Variants in KLHL29 observed in about 807,000 individuals in gnomAD.
KLHL29 encodes the protein kelch like family member 29, also known as kelch-like protein 29.
KLHL29 carries 21 observed loss-of-function variants against 80.4 expected under a neutral mutation model. That is an observed-to-expected ratio of 0.26 (90% CI 0.19 to 0.38). The LOEUF is 0.38. KLHL29 is among the 10% of genes least tolerant of loss of function. The probability of loss-of-function intolerance (pLI) is 1.00; values close to 1 mark genes in which losing one functional copy is unlikely to be tolerated. For missense variants in KLHL29, 867 were observed against 1,223.9 expected, an observed-to-expected ratio of 0.71 and a Z score of 4.35; for synonymous variants, 511 against 526.8, an observed-to-expected ratio of 0.97 and a Z score of 0.41.
chr2:23,633,755 T>TGTGTGTGTGTGTGTG (rs1558416938), intron 3 of KLHL29, among the ~76,000 whole-genome samples: 1 of 27,854 alleles, frequency 3.6e-5, no homozygotes, highest in Non-Finnish European at 5.8e-5. Context: ...GTCACAGCAC[T>TGTGTGTGTGTGTGTG]CGTGTGTGTG....
rs1558402682 is a variant in KLHL29 at position 23,597,309 on chromosome 2, A to ATATGTG, written c.285+34829_285+34830insATGTGT. On this transcript the variant is annotated intron_variant, in intron 3 of 13. Transcript: ENST00000486442. ...CTCTCTCTCTCTCATATATATATAT[A>ATATGTG]TGTGTGTGTGTGTGTGTGTGTGTGT... Among the ~76,000 whole-genome samples, 180 of 100,512 alleles carry ATATGTG rather than the reference A, an allele frequency of 1.8e-3. 3 individuals are homozygous for ATATGTG. The highest frequency in any genetic ancestry group is 4.5e-3 in the South Asian group (12 of 2,646). 65.9% of individuals were successfully genotyped at this position (100,512 alleles called of 152,430 possible). A position where few individuals can be genotyped will look rare whatever the true frequency, so the allele number is the denominator to read the frequency against.
chr2:23,503,769 A>G lies in KLHL29; in HGVS notation c.-46+28102A>G, dbSNP rs924975623. ...CAGCTGCCAGCGAAGGAGGAAGGAA[A>G]CACAGACAGGAGGTCTCAGAGCACA... is the stretch of plus-strand genomic sequence containing the variant. On this transcript the variant is annotated intron_variant, in intron 2 of 13. Coordinates refer to ENST00000486442, the MANE Select transcript of KLHL29 (RefSeq NM_052920.2). This position sits in a 1 kb window ranked among gnomAD's most constrained non-coding sequence, Gnocchi z 4.0. Among the ~76,000 whole-genome samples, 1 of 152,252 alleles carries G rather than the reference A, an allele frequency of 6.6e-6. No homozygotes were observed. Among genetic ancestry groups the G allele is most frequent in the Non-Finnish European group, 1.5e-5 (1 of 68,044 alleles).
chr2:23,495,842 A>G (rs1449621372), intron 2 of KLHL29, among the ~76,000 whole-genome samples: 2 of 152,262 alleles, frequency 1.3e-5, no homozygotes, highest in Non-Finnish European at 1.5e-5. Flanking sequence ...CCTCCTTGGC[A>G]GGCAGGACCT....
intron 5 of KLHL29, among the ~76,000 whole-genome samples, chr2:23,651,400 A>T (rs1670083621): frequency 6.6e-6 from 1 of 151,958 alleles, no homozygotes; most frequent in Non-Finnish European, 1.5e-5. Context: ...CCCTCTTGCA[A>T]ATGACCTCTC....
chr2:23,445,257 T>G (rs1458298902), intron 1 of KLHL29, among the ~76,000 whole-genome samples: 1 of 152,250 alleles, frequency 6.6e-6, no homozygotes, highest in African/African-American at 2.4e-5. Context: ...TTCTCCTATA[T>G]AGATAACCAT....
At chr2:23,567,399 C>T (rs940296553) in intron 3 of KLHL29, among the ~76,000 whole-genome samples, 2 of 152,186 alleles carry the variant, frequency 1.3e-5, no homozygotes, top group East Asian at 1.9e-4. Flanking sequence ...GGAAGCAGAG[C>T]GACTTCGCCT....
chr2:23,642,502 C>T lies in KLHL29; in HGVS notation c.592C>T (p.Pro198Ser). Reference protein sequence around the residue: ...SLPPHVGPQLPLMPGHYSLPQ... With the variant: ...SLPPHVGPQLSLMPGHYSLPQ... ...GCCTCCCCACGTGGGGCCCCAGCTC[C>T]CGCTGATGCCAGGCCACTACTCGCT... The change falls in exon 5 of 14, where the codon CCG becomes TCG. Residue 198 changes from proline to serine, a missense_variant. Transcript: ENST00000486442. 1.3e-6 allele frequency: 2 copies of T among 1,521,438 alleles called. No individual in the cohort carries two copies. The highest frequency in any genetic ancestry group is 1.8e-6 in the Non-Finnish European group (2 of 1,127,430). 94.2% of individuals were successfully genotyped at this position (1,521,438 alleles called of 1,614,324 possible).
Position 23,706,813 on chromosome 2 carries a change from G to C in KLHL29, c.*149G>C, listed in dbSNP as rs1028481898. 1 of 574,478 alleles carries C rather than the reference G, an allele frequency of 1.7e-6. No individual in the cohort carries two copies. The highest frequency in any genetic ancestry group is 2.9e-6 in the Non-Finnish European group (1 of 347,424). The allele number at this position is 574,478 out of a possible 1,614,324, so 35.6% of individuals were successfully genotyped here. Reference sequence around the variant, plus strand: ...CAACATGTTGAATATTCTCTACATTGAATGTAGAAAATCATCCTCGCCTTT... The same window carrying C: ...CAACATGTTGAATATTCTCTACATTCAATGTAGAAAATCATCCTCGCCTTT... On this transcript the variant is annotated 3_prime_UTR_variant, in exon 14 of 14. Transcript: ENST00000486442.
chr2:23,457,157 G>A lies in KLHL29; in HGVS notation c.-153-18403G>A, dbSNP rs902207400. Among the ~76,000 whole-genome samples, 1 of 152,230 alleles carries A rather than the reference G, an allele frequency of 6.6e-6. No individual in the cohort carries two copies. Among genetic ancestry groups the A allele is most frequent in the Non-Finnish European group, 1.5e-5 (1 of 68,046 alleles). On this transcript the variant is annotated intron_variant, in intron 1 of 13. Transcript: ENST00000486442. This position sits in a 1 kb window ranked among gnomAD's most constrained non-coding sequence, Gnocchi z 4.3. ...GAGGCATCTGGTGACAGGAACAGGAGGAGGTTAAAGCAATCCGTGCCCTGA... is the reference window on the plus strand; with the variant it reads ...GAGGCATCTGGTGACAGGAACAGGAAGAGGTTAAAGCAATCCGTGCCCTGA...
At chr2:23,438,931 A>G (rs1431142543) in intron 1 of KLHL29, among the ~76,000 whole-genome samples, 1 of 145,700 alleles carries the variant, frequency 6.9e-6, no homozygotes. Flanking sequence ...CTGTGAATCC[A>G]TCGGGTCCTG....
At chr2:23,589,689 C>G (rs924146285) in intron 3 of KLHL29, among the ~76,000 whole-genome samples, 1 of 152,206 alleles carries the variant, frequency 6.6e-6, no homozygotes, top group Non-Finnish European at 1.5e-5. Context: ...CTTTTCCTCT[C>G]TGCCTCAGAG....
intron 3 of KLHL29, among the ~76,000 whole-genome samples, chr2:23,606,141 T>C (rs796393499): frequency 6.9e-6 from 1 of 144,994 alleles, no homozygotes; most frequent in African/African-American, 2.6e-5. Flanking sequence ...CGTGAGCTAG[T>C]GTGTGTGTGT....
At chr2:23,538,024 C>T (rs1406965805) in intron 2 of KLHL29, among the ~76,000 whole-genome samples, 3 of 152,198 alleles carry the variant, frequency 2.0e-5, no homozygotes, top group South Asian at 4.1e-4. Flanking sequence ...ACAGATCTCA[C>T]TTTGAGAATT....
chr2:23,541,505 C>T (rs1308825974), intron 2 of KLHL29, among the ~76,000 whole-genome samples: 5 of 152,250 alleles, frequency 3.3e-5, no homozygotes, highest in Non-Finnish European at 7.3e-5. Flanking sequence ...TGCCAGCACT[C>T]ACAGCCCCAG....
chr2:23,461,790 G>C (rs1321170507), intron 1 of KLHL29, among the ~76,000 whole-genome samples: 2 of 151,972 alleles, frequency 1.3e-5, no homozygotes, highest in African/African-American at 4.8e-5. Flanking sequence ...AGTGCACAAA[G>C]CTGCATCGTT....
At chr2:23,497,117 C>A (rs1056449102) in intron 2 of KLHL29, among the ~76,000 whole-genome samples, 10 of 152,088 alleles carry the variant, frequency 6.6e-5, no homozygotes, top group Non-Finnish European at 1.0e-4. Context: ...TCATAGCCAC[C>A]TTTACCAGGC....
intron 1 of KLHL29, among the ~76,000 whole-genome samples, chr2:23,474,873 C>T (rs1349987737): frequency 6.6e-6 from 1 of 152,062 alleles, no homozygotes; most frequent in South Asian, 2.1e-4. Flanking sequence ...GACAGTCGTG[C>T]GTTTTGCAGT....
chr2:23,543,334 C>T (rs1666896005), intron 2 of KLHL29, among the ~76,000 whole-genome samples: 2 of 152,146 alleles, frequency 1.3e-5, no homozygotes, highest in Admixed American at 1.3e-4. Context: ...CAGACATGGG[C>T]AGCGCCGGCG....
intron 2 of KLHL29, among the ~76,000 whole-genome samples, chr2:23,513,251 T>C (rs1164320599): frequency 6.6e-6 from 1 of 152,178 alleles, no homozygotes; most frequent in East Asian, 1.9e-4. Flanking sequence ...TGCAATCCAA[T>C]TTCTTTTTTC....
Sources: gnomAD v4.1 joint callset for allele counts (sites outside exome capture counted in the v4.1 genomes callset) on GRCh38, gnomAD v4.1.1 for gene constraint, Gnocchi (gnomAD v3.1) non-coding constraint, MANE v1.5 for transcripts, NCBI Gene and HGNC (gene_info 2026-07-23, HGNC 2026-07-21) for gene names.